The following EBI3 variants were observed in gnomAD, a reference collection of about 807,000 sequenced individuals.
The protein encoded by EBI3 is interleukin-27 subunit beta.
Under a neutral mutation model 21.3 loss-of-function variants are expected in EBI3, and 19 were observed. That is an observed-to-expected ratio of 0.89 (90% CI 0.62 to 1.31). The LOEUF (loss-of-function observed/expected upper bound fraction) is 1.31, where lower values mean the gene tolerates loss of function less well. EBI3 is among the 50% of genes most tolerant of loss of function. The pLI is 0.00. For missense variants in EBI3, 331 were observed against 314.0 expected, an observed-to-expected ratio of 1.05 and a Z score of -0.41; for synonymous variants, 154 against 131.2, an observed-to-expected ratio of 1.17 and a Z score of -1.19.
At chr19:4,234,292 G>A (rs1441881018) in intron 3 of EBI3, among the ~76,000 whole-genome samples, 1 of 152,174 alleles carries the variant, frequency 6.6e-6, no homozygotes, top group Non-Finnish European at 1.5e-5. Flanking sequence ...GTGACCTATG[G>A]ATTTGTTTAT....
At chr19:4,236,478 C>T (rs353704) in intron 4 of EBI3, among the ~76,000 whole-genome samples, 53,098 of 141,590 alleles carry the variant, frequency 0.38, 11,065 homozygotes, top group African/African-American at 0.57. Context: ...CCAAGATTGC[C>T]CCACTGCACT....
chr19:4,234,691 T>C lies in EBI3; in HGVS notation c.404T>C (p.Val135Ala). Residue 135 changes from valine to alanine, a missense_variant, in exon 4 of 5, where the codon GTG becomes GCG. Transcript: ENST00000221847. ...HIIKPDPPEG[V>A]RLSPLAERQL... is the part of the protein sequence containing the mutation. Reference sequence around the variant, plus strand: ...GTCAAGCCCGACCCTCCAGAAGGCGTGCGCCTAAGCCCCCTCGCTGAGCGC... The same window carrying C: ...GTCAAGCCCGACCCTCCAGAAGGCGCGCGCCTAAGCCCCCTCGCTGAGCGC... The C allele has an allele frequency of 5.6e-6, 9 of 1,614,038 alleles. No individual in the cohort carries two copies. The highest frequency in any genetic ancestry group is 6.8e-6 in the Non-Finnish European group (8 of 1,179,988).
intron 2 of EBI3, among the ~76,000 whole-genome samples, chr19:4,232,063 A>T (rs1970788124): frequency 6.6e-6 from 1 of 151,600 alleles, no homozygotes. Context: ...TGTCTTTACT[A>T]AAAATGCAAA....
At chr19:4,234,869 A>AG (rs1970823447) in intron 4 of EBI3, 45 bp downstream of exon 4, 1 of 1,603,948 alleles carries the variant, frequency 6.2e-7, no homozygotes, top group Middle Eastern at 1.8e-4. Flanking sequence ...TGCCTGGCAG[A>AG]GGGAATGGTT....
chr19:4,234,785 G>T lies in EBI3; in HGVS notation c.498G>T (p.Trp166Cys), dbSNP rs142728225. Reference protein sequence around the residue: ...PFPEIFSLKYWIRYKRQGAAR... With the variant: ...PFPEIFSLKYCIRYKRQGAAR... ...CAGAGATCTTCTCACTGAAGTACTG[G>T]ATCCGTTACAAGCGTCAGGGAGCTG... Residue 166 changes from tryptophan to cysteine, a missense_variant, in exon 4 of 5, where the codon TGG becomes TGT. Physicochemically the swap from Trp to Cys is radical, Grantham distance 215. Coordinates refer to ENST00000221847, the MANE Select transcript of EBI3 (RefSeq NM_005755.3). 2.8e-5 allele frequency: 45 copies of T among 1,614,030 alleles called. No individual in the cohort carries two copies. The highest frequency in any genetic ancestry group is 3.6e-5 in the Non-Finnish European group (42 of 1,180,030).
chr19:4,234,845 G>A, intron 4 of EBI3, 21 bp downstream of exon 4: 2 of 1,611,674 alleles, frequency 1.2e-6, no homozygotes, highest in African/African-American at 1.3e-5. Context: ...TGAGGGGGAG[G>A]CTGGAAAGGG....
Position 4,234,844 on chromosome 19 carries a change from G to A in EBI3, c.537+20G>A. ...CACCGGGTGAGGAGGATGAGGGGGA[G>A]GCTGGAAAGGGTGGTGCCTGGCAGA... On this transcript the variant is annotated intron_variant, in intron 4 of 4. Transcript: ENST00000221847. The A allele has an allele frequency of 1.2e-6, 2 of 1,611,754 alleles. No homozygotes were observed. Among genetic ancestry groups the A allele is most frequent in the Non-Finnish European group, 1.7e-6 (2 of 1,178,332 alleles).
At chr19:4,236,107 G>A (rs539933322) in intron 4 of EBI3, among the ~76,000 whole-genome samples, 1 of 152,280 alleles carries the variant, frequency 6.6e-6, no homozygotes, top group Non-Finnish European at 1.5e-5. Flanking sequence ...TGTAATCCCA[G>A]CACTTTGGGA....
rs1399814406 is a variant in EBI3, at chr19:4,232,738, AT to A, written c.201-390del. Among the ~76,000 whole-genome samples the A allele has an allele frequency of 8.3e-5, 11 of 132,962 alleles. No homozygotes were observed. The South Asian group carries it at 4.2e-3, about 51-fold the overall frequency. 87.2% of individuals were successfully genotyped at this position (132,962 alleles called of 152,430 possible). Reference sequence around the variant, plus strand: ...GACCCTGTCATGAATGAATGAATGAATGAAGGGATGAATTAATGAATGAATG... The same window carrying A: ...GACCCTGTCATGAATGAATGAATGAAGAAGGGATGAATTAATGAATGAATG... On this transcript the variant is annotated intron_variant, in intron 2 of 4. Coordinates refer to ENST00000221847, the MANE Select transcript of EBI3 (RefSeq NM_005755.3).
intron 4 of EBI3, 70 bp from the exon 5 acceptor site, chr19:4,236,866 T>C: frequency 7.1e-7 from 1 of 1,410,136 alleles, no homozygotes; most frequent in South Asian, 1.6e-5. Flanking sequence ...CGCTCCGTTG[T>C]GTGGTTCTGT....
rs142516034 is a variant in EBI3 at position 4,235,184 on chromosome 19, A to C, written c.537+360A>C. 2.5e-4 allele frequency among the ~76,000 whole-genome samples: 37 copies of C among 150,736 alleles called. No individual in the cohort carries two copies. In the East Asian group the frequency reaches 6.5e-3, roughly 26 times the overall value. On this transcript the variant is annotated intron_variant, in intron 4 of 4. Coordinates refer to ENST00000221847, the MANE Select transcript of EBI3 (RefSeq NM_005755.3). ...CGGGCACGTGCCACTATGCCCGGCTAATTTTTGTATTTTTAGTAGAGATGG... is the reference window on the plus strand; with the variant it reads ...CGGGCACGTGCCACTATGCCCGGCTCATTTTTGTATTTTTAGTAGAGATGG...
chr19:4,234,786 A>C lies in EBI3; in HGVS notation c.499A>C (p.Ile167Leu). Residue 167 changes from isoleucine (I) to leucine (L), a missense_variant, in exon 4 of 5, where the codon ATC becomes CTC. Coordinates refer to ENST00000221847, the MANE Select transcript of EBI3 (RefSeq NM_005755.3). ...FPEIFSLKYW[I>L]RYKRQGAARF... ...AGAGATCTTCTCACTGAAGTACTGG[A>C]TCCGTTACAAGCGTCAGGGAGCTGC... The C allele has an allele frequency of 6.2e-7, 1 of 1,614,128 alleles. No homozygotes were observed. Among genetic ancestry groups the C allele is most frequent in the South Asian group, 1.1e-5 (1 of 91,084 alleles).
At chr19:4,236,764 T>C (rs541381216) in intron 4 of EBI3, among the ~76,000 whole-genome samples, 172 bp from the exon 5 acceptor site, 4 of 152,092 alleles carry the variant, frequency 2.6e-5, no homozygotes, top group Middle Eastern at 3.4e-3. Flanking sequence ...GAGGCCGGGA[T>C]TGGGAGGAGC....
Position 4,230,808 on chromosome 19 carries a change from C to T in EBI3, c.68-383C>T, listed in dbSNP as rs549915198. 1.2e-4 allele frequency among the ~76,000 whole-genome samples: 18 copies of T among 150,616 alleles called. No homozygotes were observed. The South Asian group carries it at 3.0e-3, about 25-fold the overall frequency. ...CTAAGAATCGCTTGAACCCGGGAGGCGGGGGTGGCAGTGAGCCGAGATCTC... is the reference window on the plus strand; with the variant it reads ...CTAAGAATCGCTTGAACCCGGGAGGTGGGGGTGGCAGTGAGCCGAGATCTC... On this transcript the variant is annotated intron_variant, in intron 1 of 4. Transcript: ENST00000221847.
Position 4,234,792 on chromosome 19 carries a change from T to C in EBI3, c.505T>C (p.Tyr169His). 6.2e-7 allele frequency: 1 copy of C among 1,614,106 alleles called. No homozygotes were observed. Among genetic ancestry groups the C allele is most frequent in the Non-Finnish European group, 8.5e-7 (1 of 1,179,992 alleles). Residue 169 changes from tyrosine to histidine, a missense_variant, in exon 4 of 5, where the codon TAC becomes CAC. Transcript: ENST00000221847. Reference sequence around the variant, plus strand: ...CTTCTCACTGAAGTACTGGATCCGTTACAAGCGTCAGGGAGCTGCGCGCTT... The same window carrying C: ...CTTCTCACTGAAGTACTGGATCCGTCACAAGCGTCAGGGAGCTGCGCGCTT... The part of the protein sequence containing the change: ...EIFSLKYWIR[Y>H]KRQGAARFHR...
In EBI3 at chr19:4,236,967, T is replaced by A; in HGVS notation, c.569T>A (p.Leu190His). 6.5e-7 allele frequency: 1 copy of A among 1,537,504 alleles called. No homozygotes were observed. The highest frequency in any genetic ancestry group is 1.4e-5 in the African/African-American group (1 of 71,410). ...VGPIEATSFI[L>H]RAVRPRARYY... is the part of the protein sequence containing the mutation. ...CCCATTGAAGCCACGTCCTTCATCC[T>A]CAGGGCTGTGCGGCCCCGAGCCAGG... Residue 190 changes from leucine to histidine, a missense_variant, in exon 5 of 5, where the codon CTC (leucine) becomes CAC (histidine). Transcript: ENST00000221847.
chr19:4,237,086 T>G lies in EBI3; in HGVS notation c.688T>G (p.Ter230GluextTer61), dbSNP rs2144679084. ...PATATMSLGK* is the reference protein window; with the variant it reads ...PATATMSLGKE ...CACTGCCACAATGAGCCTGGGCAAG[T>G]AGCAAGGGCTTCCCGCTGCCTCCAG... The change falls in exon 5 of 5, where the codon TAG becomes GAG. Residue 230 changes from the stop codon to glutamate (E), a stop_lost. Transcript: ENST00000221847. 1 of 1,515,952 alleles carries G rather than the reference T, an allele frequency of 6.6e-7. No homozygotes were observed. The highest frequency in any genetic ancestry group is 8.9e-7 in the Non-Finnish European group (1 of 1,127,322). The allele number at this position is 1,515,952 out of a possible 1,614,324, so 93.9% of individuals were successfully genotyped here. A position where few individuals can be genotyped will look rare whatever the true frequency, so the allele number is the denominator to read the frequency against.
chr19:4,234,846 C>T, intron 4 of EBI3, 22 bp downstream of exon 4: 7 of 1,611,190 alleles, frequency 4.3e-6, no homozygotes, highest in Non-Finnish European at 5.9e-6. Context: ...GAGGGGGAGG[C>T]TGGAAAGGGT....
chr19:4,232,899 A>G, intron 2 of EBI3: 1 of 462,454 alleles, frequency 2.2e-6, no homozygotes, highest in Non-Finnish European at 3.8e-6. Flanking sequence ...CCTAGCATCT[A>G]GCTTGGGTTG....
Sources: allele counts gnomAD v4.1 joint callset (sites outside exome capture counted in the v4.1 genomes callset), GRCh38; gene constraint gnomAD v4.1.1; transcripts MANE v1.5; gene names NCBI Gene and HGNC (gene_info 2026-07-23, HGNC 2026-07-21).